The following CAV1 variants were observed in gnomAD, a reference collection of about 807,000 sequenced individuals.
The protein encoded by CAV1 is caveolin 1, also known as caveolin-1.
A neutral mutation model predicts 16.5 loss-of-function variants in CAV1; 10 were observed. The observed-to-expected ratio is 0.61, with a 90% CI of 0.37 to 1.03. The LOEUF is 1.03. Among genes scored for constraint, CAV1 ranks in the 50% least tolerant of loss-of-function variants. The pLI is 0.01. For missense variants in CAV1, 212 were observed against 232.8 expected (o/e 0.91, Z 0.58); for synonymous variants, 76 against 85.1 (o/e 0.89, Z 0.59).
chr7:116,526,797 T>G, intron 2 of CAV1, 108 bp downstream of exon 2: 1 of 1,220,600 alleles, frequency 8.2e-7, no homozygotes, highest in Non-Finnish European at 1.2e-6. Context: ...CCCCGCCCCC[T>G]ACACGCGCAC....
intron 2 of CAV1, among the ~76,000 whole-genome samples, chr7:116,535,869 A>G (rs980618216): frequency 1.3e-5 from 2 of 152,198 alleles, no homozygotes; most frequent in Non-Finnish European, 2.9e-5. Flanking sequence ...TGGGCTGGCC[A>G]TTAAGAACCA....
At chr7:116,528,507 G>T (rs1281907704) in intron 2 of CAV1, among the ~76,000 whole-genome samples, 2 of 152,146 alleles carry the variant, frequency 1.3e-5, no homozygotes, top group East Asian at 3.9e-4. Context: ...AAACAAGACA[G>T]TCAAACCAAA....
chr7:116,525,521 C>T (rs1263066922), intron 1 of CAV1: 2 of 1,233,788 alleles, frequency 1.6e-6, no homozygotes, highest in East Asian at 5.0e-5. Context: ...GGACTCTCCG[C>T]CAGGCGCCCA....
At chr7:116,541,042 A>G (rs765735705) in intron 2 of CAV1, among the ~76,000 whole-genome samples, 12 of 152,206 alleles carry the variant, frequency 7.9e-5, no homozygotes, top group Non-Finnish European at 1.8e-4. Context: ...AGGTCTGTCA[A>G]TTGTTCCAGA....
At position 116,559,177 on chromosome 7, in the gene CAV1, T is replaced by C; in HGVS notation, c.427T>C (p.Cys143Arg). 5 of 1,613,976 alleles carry C rather than the reference T, an allele frequency of 3.1e-6. No homozygotes were observed. The highest frequency in any genetic ancestry group is 1.7e-4 in the Middle Eastern group (1 of 6,058). Residue 143 changes from cysteine to arginine, a missense_variant, in exon 3 of 3, where the codon TGC (cysteine) becomes CGC (arginine). Transcript: ENST00000341049. ...CIKSFLIEIQ[C>R]ISRVYSIYVH... Reference sequence around the variant, plus strand: ...TAAGAGCTTCCTGATTGAGATTCAGTGCATCAGCCGTGTCTATTCCATCTA... The same window carrying C: ...TAAGAGCTTCCTGATTGAGATTCAGCGCATCAGCCGTGTCTATTCCATCTA...
intron 1 of CAV1, chr7:116,525,347 G>A (rs905604570): frequency 6.5e-7 from 1 of 1,544,408 alleles, no homozygotes; most frequent in Non-Finnish European, 8.7e-7. Context: ...AGGGGATTGG[G>A]GTCCTGAGAT....
Position 116,560,980 on chromosome 7 carries a change from T to C in CAV1, c.*1693T>C, listed in dbSNP as rs757217243. 2.0e-5 allele frequency: 3 copies of C among 152,634 alleles called. No homozygotes were observed. Among genetic ancestry groups the C allele is most frequent in the Non-Finnish European group, 4.4e-5 (3 of 68,026 alleles). The allele number at this position is 152,634 out of a possible 1,614,324, so 9.5% of individuals were successfully genotyped here. On this transcript the variant is annotated 3_prime_UTR_variant, in exon 3 of 3. Coordinates refer to ENST00000341049, the MANE Select transcript of CAV1 (RefSeq NM_001753.5). ...TATATGAAGAAAATCACTTAGGAAA[T>C]GGCTTTGTGATTCAATCTGTAAACT... is the stretch of plus-strand genomic sequence containing the variant.
chr7:116,547,897 T>C (rs762764011), intron 2 of CAV1, among the ~76,000 whole-genome samples: 8 of 151,926 alleles, frequency 5.3e-5, no homozygotes, highest in South Asian at 2.1e-4. Context: ...CACAAAGAGG[T>C]TTAGTAGTTT....
At chr7:116,537,390 T>A (rs1054348736) in intron 2 of CAV1, among the ~76,000 whole-genome samples, 2 of 152,150 alleles carry the variant, frequency 1.3e-5, no homozygotes, top group Non-Finnish European at 2.9e-5. Context: ...CAGCACTCCC[T>A]ATAGGCTGAC....
chr7:116,526,396 C>T (rs1793560051), intron 1 of CAV1, 129 bp from the exon 2 acceptor site: 1 of 1,541,762 alleles, frequency 6.5e-7, no homozygotes, highest in African/African-American at 1.4e-5. Context: ...GCGGTTAGTT[C>T]GATTTCGAGC....
chr7:116,560,911 G>T lies in CAV1; in HGVS notation c.*1624G>T, dbSNP rs1244831371. On this transcript the variant is annotated 3_prime_UTR_variant, in exon 3 of 3. Coordinates refer to ENST00000341049, the MANE Select transcript of CAV1 (RefSeq NM_001753.5). ...TTAAACTGTGTACATAACTGAAAATGTGCTATACTGCATACTTTTTAAATG... is the reference window on the plus strand; with the variant it reads ...TTAAACTGTGTACATAACTGAAAATTTGCTATACTGCATACTTTTTAAATG... 6.6e-6 allele frequency: 1 copy of T among 152,502 alleles called. No homozygotes were observed. Among genetic ancestry groups the T allele is most frequent in the Admixed American group, 6.6e-5 (1 of 15,266 alleles). The allele number at this position is 152,502 out of a possible 1,614,324, so 9.4% of individuals were successfully genotyped here.
intron 2 of CAV1, among the ~76,000 whole-genome samples, chr7:116,555,493 A>G (rs867786669): frequency 0.67 from 16,469 of 24,530 alleles, 6,660 homozygotes; most frequent in East Asian, 0.89. Flanking sequence ...GAAAAGAAAG[A>G]AAGAAAGAAA....
intron 2 of CAV1, among the ~76,000 whole-genome samples, chr7:116,541,471 C>A (rs1476955004): frequency 6.6e-6 from 1 of 152,142 alleles, no homozygotes; most frequent in African/African-American, 2.4e-5. Flanking sequence ...GTTAGGTAGG[C>A]TGAGCACGGT....
intron 1 of CAV1, chr7:116,525,707 C>A: frequency 9.3e-7 from 1 of 1,073,244 alleles, no homozygotes; most frequent in Non-Finnish European, 1.1e-6. Flanking sequence ...TGGAGCTCTG[C>A]CCGGGTGTGG....
chr7:116,536,153 A>G (rs1215242377), intron 2 of CAV1, among the ~76,000 whole-genome samples: 1 of 152,118 alleles, frequency 6.6e-6, no homozygotes, highest in East Asian at 1.9e-4. Flanking sequence ...CCAAGCAGTG[A>G]GAAAGTAGGA....
rs572688508 is a variant in CAV1 at position 116,547,491 on chromosome 7, C to T, written c.196-11455C>T. 4.6e-5 allele frequency among the ~76,000 whole-genome samples: 7 copies of T among 152,300 alleles called. No individual in the cohort carries two copies. In the South Asian group the frequency reaches 1.0e-3, roughly 23 times the overall value. On this transcript the variant is annotated intron_variant, in intron 2 of 2. Coordinates refer to ENST00000341049, the MANE Select transcript of CAV1 (RefSeq NM_001753.5). The stretch of plus-strand genomic sequence containing the variant: ...AATGTTGGTGCAACTTTCTCTGACA[C>T]ATCTGTGCACTCATCAGCTGGGGCA...
rs774819360 is a variant in CAV1 at position 116,559,138 on chromosome 7, G to A, written c.388G>A (p.Val130Ile). The A allele has an allele frequency of 1.2e-6, 2 of 1,613,992 alleles. No individual in the cohort carries two copies. The highest frequency in any genetic ancestry group is 1.1e-5 in the South Asian group (1 of 91,080). ...TCTCTCTTTCCTGCACATCTGGGCA[G>A]TTGTACCATGCATTAAGAGCTTCCT... ...AILSFLHIWA[V>I]VPCIKSFLIE... Residue 130 changes from valine (V) to isoleucine (I), a missense_variant, in exon 3 of 3, where the codon GTT becomes ATT. Transcript: ENST00000341049.
In CAV1 at chr7:116,534,231, T is replaced by A. The variant is rs1180600264; in HGVS notation, c.195+7542T>A. On this transcript the variant is annotated intron_variant, in intron 2 of 2. Coordinates refer to ENST00000341049, the MANE Select transcript of CAV1 (RefSeq NM_001753.5). The stretch of plus-strand genomic sequence containing the variant: ...AGACTCCATCACAAAAAAATAAAAA[T>A]AAAAATTGAAATTTGCAGCCTTTTT... Among the ~76,000 whole-genome samples, 3 of 149,994 alleles carry A rather than the reference T, an allele frequency of 2.0e-5. No homozygotes were observed. In the East Asian group the frequency reaches 5.9e-4, roughly 30 times the overall value.
chr7:116,555,352 T>C (rs13232830), intron 2 of CAV1, among the ~76,000 whole-genome samples: 5 of 150,474 alleles, frequency 3.3e-5, no homozygotes, highest in Non-Finnish European at 7.4e-5. Context: ...AGTTGGAGGA[T>C]TGCTTGAGCC....
Sources: allele counts gnomAD v4.1 joint callset (sites outside exome capture counted in the v4.1 genomes callset), GRCh38; gene constraint gnomAD v4.1.1; transcripts MANE v1.5; gene names NCBI Gene and HGNC (gene_info 2026-07-23, HGNC 2026-07-21).